Variants in ADAM12 observed in about 807,000 individuals in gnomAD.
ADAM12 encodes the protein disintegrin and metalloproteinase domain-containing protein 12.
In ADAM12, 70 loss-of-function variants were observed where a neutral mutation model predicts 106.4. The observed-to-expected ratio is 0.66, with a 90% CI of 0.54 to 0.80. The LOEUF (loss-of-function observed/expected upper bound fraction) is 0.80. ADAM12 is among the 30% of genes least tolerant of loss of function. The pLI is 0.00. For missense variants in ADAM12, 1,010 were observed against 1,171.9 expected (o/e 0.86, Z 2.02); for synonymous variants, 420 against 433.5 (o/e 0.97, Z 0.39).
At chr10:126,204,094 C>G (rs1349820981) in intron 3 of ADAM12, among the ~76,000 whole-genome samples, 1 of 152,152 alleles carries the variant, frequency 6.6e-6, no homozygotes, top group Admixed American at 6.5e-5. Flanking sequence ...CTGCTGAACC[C>G]CCAGCTCCTA....
At chr10:126,132,999 T>C (rs113047608) in intron 5 of ADAM12, among the ~76,000 whole-genome samples, 286 of 152,246 alleles carry the variant, frequency 1.9e-3, no homozygotes, top group African/African-American at 6.4e-3. Flanking sequence ...CCCTTTTCCC[T>C]AACCCTTTCC....
At chr10:126,166,931 G>A (rs1957035568) in intron 3 of ADAM12, among the ~76,000 whole-genome samples, 4 of 152,184 alleles carry the variant, frequency 2.6e-5, no homozygotes, top group South Asian at 2.1e-4. Flanking sequence ...TGACAGTAAA[G>A]CCCCACGCCC....
In ADAM12 at chr10:126,049,792, C is replaced by CACCATGAGTCGG; in HGVS notation, c.1610-124_1610-123insCCGACTCATGGT. 2 of 867,922 alleles carry CACCATGAGTCGG rather than the reference C, an allele frequency of 2.3e-6. No individual in the cohort carries two copies. Among genetic ancestry groups the CACCATGAGTCGG allele is most frequent in the Non-Finnish European group, 3.5e-6 (2 of 568,588 alleles). The allele number at this position is 867,922 out of a possible 1,614,324, so 53.8% of individuals were successfully genotyped here. ...AAGCAATCACACCCAGTGTCTGTCC[C>CACCATGAGTCGG]GACTCATGGTGGGAGCTGGCCAGGG... On this transcript the variant is annotated intron_variant, in intron 14 of 22. Coordinates refer to ENST00000448723, the MANE Select transcript of ADAM12 (RefSeq NM_001288973.2). This position sits in a 1 kb window ranked among gnomAD's most constrained non-coding sequence, Gnocchi z 4.4.
At chr10:126,283,160 G>C (rs116045363) in intron 2 of ADAM12, among the ~76,000 whole-genome samples, 1 of 152,016 alleles carries the variant, frequency 6.6e-6, no homozygotes, top group Non-Finnish European at 1.5e-5. Context: ...CAGTGCCTCC[G>C]CTAATCTGAC....
chr10:126,210,277 C>T (rs1015757354), intron 3 of ADAM12, among the ~76,000 whole-genome samples: 5 of 152,160 alleles, frequency 3.3e-5, no homozygotes, highest in South Asian at 4.1e-4. Context: ...CTGTGTCAGG[C>T]GCCGTGCTGG....
At chr10:126,249,125 C>G (rs1958691002) in intron 3 of ADAM12, among the ~76,000 whole-genome samples, 1 of 152,182 alleles carries the variant, frequency 6.6e-6, no homozygotes, top group Non-Finnish European at 1.5e-5. Context: ...TGAGGCCACA[C>G]AGCTTATGTT....
intron 2 of ADAM12, among the ~76,000 whole-genome samples, chr10:126,291,697 G>A (rs1328542512): frequency 1.3e-5 from 2 of 152,166 alleles, no homozygotes; most frequent in Non-Finnish European, 1.5e-5. Flanking sequence ...AAGCTCCACT[G>A]GAGTTGGGAG....
intron 3 of ADAM12, among the ~76,000 whole-genome samples, chr10:126,182,877 C>T (rs935011141): frequency 6.6e-6 from 1 of 152,234 alleles, no homozygotes; most frequent in Non-Finnish European, 1.5e-5. Flanking sequence ...TCCACTAGAA[C>T]AGGGGTCCCA....
At position 126,043,242 on chromosome 10, in the gene ADAM12, C is replaced by G. The variant is rs7923954; in HGVS notation, c.1996-94G>C. 0.2 allele frequency: 232,515 copies of G among 1,136,630 alleles called. 25,715 individuals are homozygous for G. Among genetic ancestry groups the G allele is most frequent in the East Asian group, 0.23 (8,853 of 39,288 alleles). The allele number at this position is 1,136,630 out of a possible 1,614,324, so 70.4% of individuals were successfully genotyped here. A position where few individuals can be genotyped will look rare whatever the true frequency, so the allele number is the denominator to read the frequency against. Reference sequence around the variant, plus strand: ...GGGGGGCCATGGTCAGAGCCCCCCCCCAACACTGACACAGCCAGACTCAGC... The same window carrying G: ...GGGGGGCCATGGTCAGAGCCCCCCCGCAACACTGACACAGCCAGACTCAGC... On this transcript the variant is annotated intron_variant, in intron 17 of 22. Transcript: ENST00000448723. The surrounding 1 kb of genome is among the most constrained non-coding windows in gnomAD (Gnocchi z 4.1).
chr10:126,137,240 G>T (rs1294022665), intron 4 of ADAM12, among the ~76,000 whole-genome samples: 1 of 151,970 alleles, frequency 6.6e-6, no homozygotes, highest in African/African-American at 2.4e-5. Context: ...TATGTTTGTG[G>T]TGCCACTTTT....
intron 3 of ADAM12, among the ~76,000 whole-genome samples, chr10:126,192,659 A>T (rs958637083): frequency 3.3e-5 from 5 of 152,234 alleles, no homozygotes; most frequent in African/African-American, 1.2e-4. Context: ...AGTAGATGGG[A>T]TCCCCCTCGG....
At chr10:126,370,689 AAC>A (rs527868409) in intron 1 of ADAM12, among the ~76,000 whole-genome samples, 43 of 152,244 alleles carry the variant, frequency 2.8e-4, no homozygotes, top group African/African-American at 9.4e-4. Context: ...TCCCAAGATA[AAC>A]ACAAGCTGAG....
rs781141421 is a variant in ADAM12 at position 126,030,169 on chromosome 10, A to C, written c.2529+5977T>G. Among the ~76,000 whole-genome samples, 55 of 152,256 alleles carry C rather than the reference A, an allele frequency of 3.6e-4. 1 individual carries two copies. The highest frequency in any genetic ancestry group is 6.5e-4 in the Admixed American group (10 of 15,292). On this transcript the variant is annotated intron_variant, in intron 21 of 22. Coordinates refer to ENST00000448723, the MANE Select transcript of ADAM12 (RefSeq NM_001288973.2). ...AAAACTAATAAGGAATAACCAAAGT[A>C]GAAGAAAGTACATAATGTGTTGCCA... is the stretch of plus-strand genomic sequence containing the variant.
At chr10:126,101,381 G>T in intron 8 of ADAM12, 140 bp from the exon 9 acceptor site, 1 of 840,904 alleles carries the variant, frequency 1.2e-6, no homozygotes, top group Non-Finnish European at 1.8e-6. Flanking sequence ...TGGTTCCTGT[G>T]GTGTTGGAAT....
chr10:126,028,399 A>T (rs979330286), intron 21 of ADAM12, among the ~76,000 whole-genome samples: 2 of 152,206 alleles, frequency 1.3e-5, no homozygotes, highest in Admixed American at 6.5e-5. Flanking sequence ...GCATCACGCT[A>T]CCTGACTTCA....
intron 18 of ADAM12, chr10:126,041,879 G>A (rs886347060): frequency 7.4e-7 from 1 of 1,354,782 alleles, no homozygotes; most frequent in Non-Finnish European, 9.5e-7. Flanking sequence ...TACTCTCTCA[G>A]GAGCAGCACT....
At chr10:126,097,224 G>A (rs1185724379) in intron 10 of ADAM12, among the ~76,000 whole-genome samples, 1 of 152,160 alleles carries the variant, frequency 6.6e-6, no homozygotes, top group Non-Finnish European at 1.5e-5. Context: ...AAATAGAGTT[G>A]GGATCTGACT....
chr10:126,380,388 T>C (rs1419408464), intron 1 of ADAM12, among the ~76,000 whole-genome samples: 1 of 152,244 alleles, frequency 6.6e-6, no homozygotes, highest in African/African-American at 2.4e-5. Context: ...GGTTATGAAC[T>C]GTTTGCCACA....
chr10:126,257,642 A>G (rs1278038489), intron 3 of ADAM12, among the ~76,000 whole-genome samples: 1 of 152,236 alleles, frequency 6.6e-6, no homozygotes, highest in African/African-American at 2.4e-5. Flanking sequence ...AAAAATTTAC[A>G]TCGCAGATAA....
Sources: allele counts gnomAD v4.1 joint callset (sites outside exome capture counted in the v4.1 genomes callset), GRCh38; gene constraint gnomAD v4.1.1; non-coding constraint Gnocchi (gnomAD v3.1); transcripts MANE v1.5; gene names NCBI Gene and HGNC (gene_info 2026-07-23, HGNC 2026-07-21).